RAB5A: variants seen among roughly 807,000 people sequenced by gnomAD.
RAB5A encodes the protein ras-related protein Rab-5A.
A neutral mutation model predicts 25.7 loss-of-function variants in RAB5A; 8 were observed. The ratio of observed to expected loss-of-function variants is 0.31; its 90% confidence interval spans 0.18 to 0.56. RAB5A has a LOEUF of 0.56. Ranked by LOEUF, RAB5A falls within the 20% of genes least tolerant of loss-of-function variation. RAB5A has a pLI of 0.91. For synonymous variants in RAB5A, 98 were observed against 89.8 expected, an observed-to-expected ratio of 1.09 and a Z score of -0.52; for missense variants, 192 against 259.7, an observed-to-expected ratio of 0.74 and a Z score of 1.79.
chr3:19,960,736 C>T (rs572696958), intron 2 of RAB5A, among the ~76,000 whole-genome samples: 1 of 152,296 alleles, frequency 6.6e-6, no homozygotes, highest in Non-Finnish European at 1.5e-5. Flanking sequence ...GAATGCTCTA[C>T]AAATCAGAAT....
chr3:19,981,894 A>G (rs763206620), intron 5 of RAB5A, among the ~76,000 whole-genome samples: 4 of 152,180 alleles, frequency 2.6e-5, no homozygotes, highest in African/African-American at 7.2e-5. Context: ...GGATAATTCT[A>G]TCTGGATTAG....
At chr3:19,962,119 T>G (rs4241539) in intron 2 of RAB5A, among the ~76,000 whole-genome samples, 28,949 of 152,154 alleles carry the variant, frequency 0.19, 3,056 homozygotes, top group Non-Finnish European at 0.24. Flanking sequence ...CACACCTACA[T>G]GTAGTAGCCT....
At chr3:19,976,918 G>A (rs1201132826) in intron 4 of RAB5A, among the ~76,000 whole-genome samples, 3 of 152,084 alleles carry the variant, frequency 2.0e-5, no homozygotes, top group Non-Finnish European at 2.9e-5. Flanking sequence ...TGTATCCAGA[G>A]TTGGAAAATA....
chr3:19,963,308 T>C (rs1696614285), intron 2 of RAB5A, among the ~76,000 whole-genome samples: 1 of 151,924 alleles, frequency 6.6e-6, no homozygotes, highest in African/African-American at 2.4e-5. Context: ...ATTTAATGTT[T>C]GCTTTTTTGT....
chr3:19,975,859 T>G, intron 3 of RAB5A, 107 bp downstream of exon 3: 10 of 1,361,254 alleles, frequency 7.3e-6, no homozygotes, highest in Non-Finnish European at 1.0e-5. Context: ...GTCATGACCT[T>G]TCTGCTGAAG....
intron 2 of RAB5A, among the ~76,000 whole-genome samples, chr3:19,958,669 CACTG>C (rs1696540226): frequency 6.6e-6 from 1 of 152,202 alleles, no homozygotes; most frequent in Non-Finnish European, 1.5e-5. Flanking sequence ...CATGGCAAAA[CACTG>C]TCTCTACTAA....
chr3:19,977,888 T>C (rs990120339), intron 4 of RAB5A, among the ~76,000 whole-genome samples: 1 of 152,246 alleles, frequency 6.6e-6, no homozygotes, highest in Non-Finnish European at 1.5e-5. Context: ...AAATTAAATA[T>C]GAGGTTGTCA....
chr3:19,976,304 G>A (rs1321419245), intron 4 of RAB5A, 135 bp downstream of exon 4: 1 of 950,562 alleles, frequency 1.1e-6, no homozygotes, highest in Non-Finnish European at 1.5e-6. Flanking sequence ...CAAATATAAA[G>A]TACTACATAT....
At chr3:19,948,099 A>G (rs1696357164) in intron 1 of RAB5A, among the ~76,000 whole-genome samples, 1 of 152,142 alleles carries the variant, frequency 6.6e-6, no homozygotes, top group African/African-American at 2.4e-5. Context: ...TTTGGAAGGT[A>G]GTGAACTACA....
intron 2 of RAB5A, among the ~76,000 whole-genome samples, chr3:19,962,191 C>T (rs149471137): frequency 2.6e-5 from 4 of 152,270 alleles, no homozygotes; most frequent in Non-Finnish European, 4.4e-5. Context: ...TAGTCACAGG[C>T]CTGTACAGAT....
At position 19,975,757 on chromosome 3, in the gene RAB5A, G is replaced by A. The variant is rs1450345545; in HGVS notation, c.315+5G>A. 3.1e-6 allele frequency: 5 copies of A among 1,602,396 alleles called. No homozygotes were observed. The highest frequency in any genetic ancestry group is 4.3e-6 in the Non-Finnish European group (5 of 1,175,406). Reference sequence around the variant, plus strand: ...GTATATGATATCACAAATGAGGTAAGTATGGATGCATTCCACAGTAAAACT... The same window carrying A: ...GTATATGATATCACAAATGAGGTAAATATGGATGCATTCCACAGTAAAACT... On this transcript the variant is annotated splice_donor_5th_base_variant and intron_variant, in intron 3 of 5. Coordinates refer to ENST00000273047, the MANE Select transcript of RAB5A (RefSeq NM_004162.5).
chr3:19,968,672 G>A (rs1575073224), intron 2 of RAB5A, among the ~76,000 whole-genome samples: 3 of 152,208 alleles, frequency 2.0e-5, no homozygotes, highest in Admixed American at 2.0e-4. Context: ...TTTTGGCCAG[G>A]CTGGTCTCAA....
rs1163728102 is a variant in RAB5A, at chr3:19,968,605, C to T, written c.164-6996C>T. On this transcript the variant is annotated intron_variant, in intron 2 of 5. Transcript: ENST00000273047. ...TCCTGAGTAGGTGGTACTACAGGCA[C>T]GTGCCACCATGCCCAGCTAATTTTT... is the stretch of plus-strand genomic sequence containing the variant. 2.6e-5 allele frequency among the ~76,000 whole-genome samples: 4 copies of T among 152,076 alleles called. No homozygotes were observed. The South Asian group carries it at 6.2e-4, about 24-fold the overall frequency.
intron 2 of RAB5A, 161 bp downstream of exon 2, chr3:19,951,222 T>C: frequency 1.5e-6 from 1 of 688,172 alleles, no homozygotes. Flanking sequence ...TTTATCTTTG[T>C]TAAAATGATG....
chr3:19,980,866 C>G (rs75236338), intron 5 of RAB5A, among the ~76,000 whole-genome samples: 2 of 152,216 alleles, frequency 1.3e-5, no homozygotes, highest in African/African-American at 4.8e-5. Flanking sequence ...CTCCCAAATC[C>G]ATTGCCCAAC....
rs916730670 is a variant in RAB5A at position 19,984,414 on chromosome 3, GT to G, written c.*603del. On this transcript the variant is annotated 3_prime_UTR_variant, in exon 6 of 6. Transcript: ENST00000273047. ...TGGTATCTTAATTATACCCAGTCTGGTTTTTTTTTTTTAAATGGGGTAAAAA... is the reference window on the plus strand; with the variant it reads ...TGGTATCTTAATTATACCCAGTCTGGTTTTTTTTTTTAAATGGGGTAAAAA... The G allele has an allele frequency of 0.016, 2,917 of 180,270 alleles. No homozygotes were observed. Among genetic ancestry groups the G allele is most frequent in the South Asian group, 0.045 (519 of 11,580 alleles). 11.2% of individuals were successfully genotyped at this position (180,270 alleles called of 1,614,324 possible). A position where few individuals can be genotyped will look rare whatever the true frequency, so the allele number is the denominator to read the frequency against.
intron 1 of RAB5A, among the ~76,000 whole-genome samples, chr3:19,948,086 C>G (rs975239507): frequency 3.9e-5 from 6 of 152,118 alleles, no homozygotes; most frequent in Admixed American, 1.3e-4. Context: ...GACTTGTTTT[C>G]TGTTTGGAAG....
rs1696981523 is a variant in RAB5A, at chr3:19,983,902, C to G, written c.*79C>G. On this transcript the variant is annotated 3_prime_UTR_variant, in exon 6 of 6. Transcript: ENST00000273047. ...AATGGAATTGGAGCATTTAACCAGC[C>G]CAGTATGACTTCCAAAAGAAGAGAC... The G allele has an allele frequency of 1.1e-6, 1 of 919,964 alleles. No homozygotes were observed. The highest frequency in any genetic ancestry group is 1.7e-6 in the Non-Finnish European group (1 of 595,354). 57.0% of individuals were successfully genotyped at this position (919,964 alleles called of 1,614,324 possible).
intron 2 of RAB5A, among the ~76,000 whole-genome samples, chr3:19,961,858 T>TA (rs1379457906): frequency 6.6e-5 from 10 of 152,242 alleles, no homozygotes; most frequent in African/African-American, 2.4e-4. Flanking sequence ...TGTACTGTAA[T>TA]ACACTTTTTA....
Sources: allele counts gnomAD v4.1 joint callset (sites outside exome capture counted in the v4.1 genomes callset), GRCh38; gene constraint gnomAD v4.1.1; transcripts MANE v1.5; gene names NCBI Gene and HGNC (gene_info 2026-07-23, HGNC 2026-07-21).